The following CDH9 variants were observed in gnomAD, a reference collection of about 807,000 sequenced individuals.
CDH9 encodes cadherin-9.
CDH9 carries 28 observed loss-of-function variants against 70.9 expected under a neutral mutation model. That is an observed-to-expected ratio of 0.40 (90% confidence interval 0.29 to 0.54). The LOEUF (loss-of-function observed/expected upper bound fraction) is 0.54, where lower values mean the gene tolerates loss of function less well. Ranked by LOEUF, CDH9 falls within the 20% of genes least tolerant of loss-of-function variation. CDH9 has a pLI of 0.59. For synonymous variants in CDH9, 409 were observed against 343.1 expected (o/e 1.19, Z -2.12); for missense variants, 874 against 984.4 (o/e 0.89, Z 1.50).
At chr5:26,894,089 G>A (rs949606217) in intron 7 of CDH9, among the ~76,000 whole-genome samples, 2 of 152,064 alleles carry the variant, frequency 1.3e-5, no homozygotes, top group Non-Finnish European at 2.9e-5. Flanking sequence ...GGAAGCAAAA[G>A]AACATAATTA....
intron 2 of CDH9, among the ~76,000 whole-genome samples, chr5:26,955,616 C>T (rs1741934224): frequency 6.6e-6 from 1 of 151,604 alleles, no homozygotes; most frequent in Non-Finnish European, 1.5e-5. Flanking sequence ...GTGTGTGTTT[C>T]TCATTATTTC....
intron 1 of CDH9, among the ~76,000 whole-genome samples, chr5:27,037,196 G>A (rs536928389): frequency 1.8e-4 from 28 of 152,046 alleles, no homozygotes; most frequent in African/African-American, 6.5e-4. Context: ...AGCAAAGGGA[G>A]TCGAAGGAAG....
At chr5:26,961,651 C>G (rs988897677) in intron 2 of CDH9, among the ~76,000 whole-genome samples, 6 of 151,878 alleles carry the variant, frequency 4.0e-5, no homozygotes, top group Non-Finnish European at 8.8e-5. Flanking sequence ...AATAAATAAA[C>G]AAAATAAAAA....
Position 26,881,284 on chromosome 5 carries a change from T to C in CDH9, c.2222A>G (p.Glu741Gly), listed in dbSNP as rs149817725. The change falls in exon 12 of 12, where the codon GAA becomes GGA. Residue 741 changes from glutamate (E) to glycine (G), a missense_variant. By Grantham distance (98) the Glu-to-Gly change is moderately conservative. Transcript: ENST00000231021. Reference sequence around the variant, plus strand: ...CGAATCTGCTATGGAATCATTCCCTTCATAGGCATACGTTGCCAGCGAATC... The same window carrying C: ...CGAATCTGCTATGGAATCATTCCCTCCATAGGCATACGTTGCCAGCGAATC... ...PYDSLATYAY[E>G]GNDSIADSLS... 6.2e-7 allele frequency: 1 copy of C among 1,613,240 alleles called. No individual in the cohort carries two copies. Among genetic ancestry groups the C allele is most frequent in the Non-Finnish European group, 8.5e-7 (1 of 1,179,442 alleles).
chr5:26,941,077 C>T (rs1187011348), intron 2 of CDH9, among the ~76,000 whole-genome samples: 1 of 152,112 alleles, frequency 6.6e-6, no homozygotes, highest in African/African-American at 2.4e-5. Flanking sequence ...ATAAACATAC[C>T]ATCTTATACT....
chr5:26,991,546 A>G (rs1742578671), intron 1 of CDH9, among the ~76,000 whole-genome samples: 1 of 151,996 alleles, frequency 6.6e-6, no homozygotes, highest in Non-Finnish European at 1.5e-5. Flanking sequence ...CTGTCCTATT[A>G]CTCCACTTAA....
intron 2 of CDH9, among the ~76,000 whole-genome samples, chr5:26,985,292 CAAAATCTTAGA>C (rs1169152776): frequency 6.6e-6 from 1 of 151,934 alleles, no homozygotes; most frequent in African/African-American, 2.4e-5. Flanking sequence ...CAGGCCTTTC[CAAAATCTTAGA>C]AAAGACCAGA....
chr5:26,992,772 C>T (rs1176696598), intron 1 of CDH9, among the ~76,000 whole-genome samples: 3 of 151,992 alleles, frequency 2.0e-5, no homozygotes, highest in Admixed American at 1.3e-4. Flanking sequence ...GAAAAGAGAA[C>T]AATAGAGAAA....
At position 27,004,228 on chromosome 5, in the gene CDH9, G is replaced by A. The variant is rs60358545; in HGVS notation, c.-49-15846C>T. 9.5e-3 allele frequency among the ~76,000 whole-genome samples: 1,449 copies of A among 151,994 alleles called. 28 individuals carry two copies. Among genetic ancestry groups the A allele is most frequent in the African/African-American group, 0.033 (1,371 of 41,470 alleles). ...AATGGGAACAGCATTCCAGAGAAGA[G>A]GCCCAGCAAAATGTATGTGTGAGAG... On this transcript the variant is annotated intron_variant, in intron 1 of 11. Transcript: ENST00000231021.
At chr5:26,915,512 G>A (rs1741132761) in intron 3 of CDH9, 118 bp downstream of exon 3, 1 of 630,824 alleles carries the variant, frequency 1.6e-6, no homozygotes, top group Middle Eastern at 3.6e-4. Flanking sequence ...CTAAATAGTA[G>A]TTAACAGTTA....
intron 2 of CDH9, among the ~76,000 whole-genome samples, chr5:26,974,448 G>A (rs1742271632): frequency 6.6e-6 from 1 of 151,890 alleles, no homozygotes; most frequent in Non-Finnish European, 1.5e-5. Flanking sequence ...AATCAGTGCC[G>A]TGATTACAAT....
chr5:26,995,521 A>G (rs967576701), intron 1 of CDH9, among the ~76,000 whole-genome samples: 2 of 151,962 alleles, frequency 1.3e-5, no homozygotes, highest in Admixed American at 1.3e-4. Context: ...TATCTTCTTT[A>G]TTTTTCTCAT....
intron 3 of CDH9, among the ~76,000 whole-genome samples, chr5:26,914,527 G>C (rs1356877705): frequency 6.6e-6 from 1 of 151,944 alleles, no homozygotes; most frequent in Non-Finnish European, 1.5e-5. Flanking sequence ...TGTTTTATTA[G>C]AGTGAATACC....
At chr5:27,035,700 GTGTGTGT>G (rs1743381067) in intron 1 of CDH9, among the ~76,000 whole-genome samples, 5 of 151,032 alleles carry the variant, frequency 3.3e-5, no homozygotes, top group Admixed American at 6.6e-5. Flanking sequence ...GTGTGTGTGT[GTGTGTGT>G]GTGGGTGTGT....
intron 3 of CDH9, among the ~76,000 whole-genome samples, chr5:26,909,515 G>A (rs1381054096): frequency 1.3e-5 from 2 of 149,990 alleles, no homozygotes; most frequent in African/African-American, 2.4e-5. Flanking sequence ...AGGTAAACAC[G>A]ATTTTGAGAC....
At chr5:27,005,204 G>A (rs1237084052) in intron 1 of CDH9, among the ~76,000 whole-genome samples, 1 of 151,988 alleles carries the variant, frequency 6.6e-6, no homozygotes, top group African/African-American at 2.4e-5. Flanking sequence ...ATACATCAAA[G>A]TTTTTAAAAT....
chr5:27,018,823 G>A (rs528043885), intron 1 of CDH9, among the ~76,000 whole-genome samples: 5 of 152,058 alleles, frequency 3.3e-5, no homozygotes, highest in South Asian at 2.1e-4. Flanking sequence ...GAGAGCAGAG[G>A]ACTCCTAGAT....
chr5:26,885,573 T>C, intron 11 of CDH9, 41 bp downstream of exon 11: 1 of 1,571,408 alleles, frequency 6.4e-7, no homozygotes, highest in South Asian at 1.1e-5. Context: ...GAGGGAGAGA[T>C]TTTTGTGAGT....
chr5:27,018,538 A>G (rs930382018), intron 1 of CDH9, among the ~76,000 whole-genome samples: 15 of 151,884 alleles, frequency 9.9e-5, no homozygotes, highest in Non-Finnish European at 4.4e-5. Flanking sequence ...TCATGTAATC[A>G]TGTAGACATA....
Sources: allele counts gnomAD v4.1 joint callset (sites outside exome capture counted in the v4.1 genomes callset), GRCh38; gene constraint gnomAD v4.1.1; transcripts MANE v1.5; gene names NCBI Gene and HGNC (gene_info 2026-07-23, HGNC 2026-07-21).